JMJD1C: variants seen among roughly 807,000 people sequenced by gnomAD.
The protein encoded by JMJD1C is jumonji domain-containing protein 1C.
JMJD1C carries 31 observed loss-of-function variants against 245.3 expected under a neutral mutation model. The ratio of observed to expected loss-of-function variants is 0.13; its 90% CI spans 0.09 to 0.17. The LOEUF is 0.17. Ranked by LOEUF, JMJD1C falls within the 10% of genes least tolerant of loss-of-function variation. JMJD1C has a pLI of 1.00. For synonymous variants in JMJD1C, 1,057 were observed against 1,017.4 expected (o/e 1.04, Z -0.74); for missense variants, 2,691 against 3,000.2 (o/e 0.90, Z 2.41).
chr10:63,497,565 A>G (rs1954402211), intron 1 of JMJD1C, among the ~76,000 whole-genome samples: 1 of 152,240 alleles, frequency 6.6e-6, no homozygotes, highest in Non-Finnish European at 1.5e-5. Context: ...AAATTGTGGT[A>G]ATGGTTGCAC....
rs1449389448 is a variant in JMJD1C at position 63,486,147 on chromosome 10, AAAAAAAAAAAAAAAAAAAAAAC to A, written n.113+35569_113+35590del. On this transcript the variant is annotated intron_variant and non_coding_transcript_variant, in intron 1 of 3. Transcript: ENST00000633035. ...GGCTTCAAGCAATTGTAAAAAAAAAAAAAAAAAAAAAAAAAAAAAAACAAAAAACAGAAAACTTGAGAGAGCA... is the reference window on the plus strand; with the variant it reads ...GGCTTCAAGCAATTGTAAAAAAAAAAAAAAAACAGAAAACTTGAGAGAGCA... 5.7e-4 allele frequency among the ~76,000 whole-genome samples: 53 copies of A among 92,470 alleles called. 1 individual carries two copies. The highest frequency in any genetic ancestry group is 1.9e-3 in the African/African-American group (50 of 26,976). 60.7% of individuals were successfully genotyped at this position (92,470 alleles called of 152,430 possible). A position where few individuals can be genotyped will look rare whatever the true frequency, so the allele number is the denominator to read the frequency against.
intron 2 of JMJD1C, among the ~76,000 whole-genome samples, chr10:63,376,768 GA>G (rs1338532935): frequency 1.7e-4 from 26 of 152,208 alleles, no homozygotes; most frequent in Admixed American, 1.6e-3. Context: ...CCAAAAAAAT[GA>G]AAGTAAATGT....
intron 2 of JMJD1C, among the ~76,000 whole-genome samples, chr10:63,376,358 G>C (rs763190324): frequency 4.6e-5 from 7 of 152,108 alleles, no homozygotes; most frequent in Non-Finnish European, 1.0e-4. Flanking sequence ...TTCATGACAT[G>C]GATTTGGCAA....
chr10:63,514,127 AC>A (rs1954950120), intron 1 of JMJD1C, among the ~76,000 whole-genome samples: 2 of 152,188 alleles, frequency 1.3e-5, no homozygotes, highest in Admixed American at 1.3e-4. Context: ...AAGTCAAAAA[AC>A]AACAGATGTT....
chr10:63,359,980 A>G (rs1472034623), intron 2 of JMJD1C, among the ~76,000 whole-genome samples: 1 of 152,146 alleles, frequency 6.6e-6, no homozygotes, highest in Non-Finnish European at 1.5e-5. Flanking sequence ...TCTTTTCTAA[A>G]GATAGCAGAC....
chr10:63,192,223 T>C (rs1426525091), intron 16 of JMJD1C, among the ~76,000 whole-genome samples: 1 of 130,384 alleles, frequency 7.7e-6, no homozygotes. Context: ...AAGAACAATC[T>C]GGGCAACATG....
At chr10:63,177,221 T>C (rs1366776999) in intron 23 of JMJD1C, 5 of 155,418 alleles carry the variant, frequency 3.2e-5, no homozygotes, top group Admixed American at 2.6e-4. Context: ...TTTCAGAGTA[T>C]ATGCCAACTA....
At chr10:63,440,142 C>G (rs1951284639) in intron 1 of JMJD1C, among the ~76,000 whole-genome samples, 1 of 152,082 alleles carries the variant, frequency 6.6e-6, no homozygotes, top group Non-Finnish European at 1.5e-5. Context: ...TGAGATCAGC[C>G]TGACCAACAT....
At chr10:63,271,860 A>AG (rs1856341110) in intron 2 of JMJD1C, among the ~76,000 whole-genome samples, 1 of 152,166 alleles carries the variant, frequency 6.6e-6, no homozygotes, top group Non-Finnish European at 1.5e-5. Flanking sequence ...GGATCACTTG[A>AG]GGTCAAGAGT....
chr10:63,335,005 G>A (rs1942555835), intron 2 of JMJD1C, among the ~76,000 whole-genome samples: 1 of 122,270 alleles, frequency 8.2e-6, no homozygotes, highest in Non-Finnish European at 1.6e-5. Context: ...ACCATGCCCA[G>A]CCAAGACTCT....
chr10:63,357,111 G>A (rs771537526), intron 2 of JMJD1C, among the ~76,000 whole-genome samples: 1 of 151,460 alleles, frequency 6.6e-6, no homozygotes, highest in African/African-American at 2.4e-5. Flanking sequence ...TCAGCTCACC[G>A]CAACCTCTGC....
chr10:63,465,055 T>A (rs1480810064), intron 1 of JMJD1C, among the ~76,000 whole-genome samples: 4 of 152,242 alleles, frequency 2.6e-5, no homozygotes. Context: ...GTTTTAAGTC[T>A]CGAGCTACAG....
intron 1 of JMJD1C, among the ~76,000 whole-genome samples, chr10:63,446,333 G>A (rs1275812479): frequency 6.6e-6 from 1 of 152,156 alleles, no homozygotes; most frequent in Non-Finnish European, 1.5e-5. Flanking sequence ...GGCAGAACAG[G>A]TTAGTATCAG....
At chr10:63,243,387 A>G (rs1194530445) in intron 3 of JMJD1C, among the ~76,000 whole-genome samples, 2 of 151,806 alleles carry the variant, frequency 1.3e-5, no homozygotes, top group Non-Finnish European at 2.9e-5. Context: ...TTAGCCAGGC[A>G]TGGTGGTGCA....
intron 1 of JMJD1C, among the ~76,000 whole-genome samples, chr10:63,440,377 G>A (rs1183996037): frequency 6.7e-6 from 1 of 149,992 alleles, no homozygotes. Context: ...GAGAGAGAGA[G>A]AGAGAGAGAG....
At chr10:63,278,470 G>A (rs1258682727) in intron 2 of JMJD1C, among the ~76,000 whole-genome samples, 1 of 151,822 alleles carries the variant, frequency 6.6e-6, no homozygotes, top group Non-Finnish European at 1.5e-5. Flanking sequence ...GCTGCAGTGA[G>A]CTGAGATTAC....
chr10:63,257,409 TA>T (rs1854120972), intron 3 of JMJD1C, among the ~76,000 whole-genome samples: 1 of 152,170 alleles, frequency 6.6e-6, no homozygotes. Context: ...CCTCTTATCC[TA>T]AAGACTAAAA....
At chr10:63,223,403 T>C (rs1589202116) in intron 3 of JMJD1C, among the ~76,000 whole-genome samples, 2 of 152,166 alleles carry the variant, frequency 1.3e-5, no homozygotes, top group South Asian at 2.1e-4. Flanking sequence ...AATTTTTGTA[T>C]TTTTAGTAGA....
chr10:63,474,153 CTT>C (rs1367128963), intron 1 of JMJD1C, among the ~76,000 whole-genome samples: 1 of 152,104 alleles, frequency 6.6e-6, no homozygotes, highest in Non-Finnish European at 1.5e-5. Context: ...ATCTGACCAT[CTT>C]TACTGATAAC....
Sources: allele counts gnomAD v4.1 joint callset (sites outside exome capture counted in the v4.1 genomes callset), GRCh38; gene constraint gnomAD v4.1.1; transcripts MANE v1.5; gene names NCBI Gene and HGNC (gene_info 2026-07-23, HGNC 2026-07-21).